Variants in CADM2 observed in about 807,000 individuals in gnomAD.
CADM2 encodes immunoglobulin superfamily member 4D.
Under a neutral mutation model 49.8 loss-of-function variants are expected in CADM2, and 12 were observed. The observed-to-expected ratio is 0.24, with a 90% CI of 0.15 to 0.39. The LOEUF (loss-of-function observed/expected upper bound fraction) is 0.39, where lower values mean the gene tolerates loss of function less well. CADM2 is among the 10% of genes least tolerant of loss of function. The probability of loss-of-function intolerance (pLI) is 1.00; values close to 1 mark genes in which losing one functional copy is unlikely to be tolerated. For missense variants in CADM2, 378 were observed against 492.3 expected (o/e 0.77, Z 2.20); for synonymous variants, 214 against 175.4 (o/e 1.22, Z -1.74).
intron 1 of CADM2, among the ~76,000 whole-genome samples, chr3:85,141,903 T>G (rs939482223): frequency 1.3e-5 from 2 of 152,184 alleles, no homozygotes; most frequent in Non-Finnish European, 2.9e-5. Context: ...GAGATTTATT[T>G]GTTGCTCAAG....
intron 1 of CADM2, among the ~76,000 whole-genome samples, chr3:85,712,973 A>T (rs538132629): frequency 4.1e-4 from 63 of 152,288 alleles, no homozygotes; most frequent in African/African-American, 1.2e-3. Context: ...GAGAAATGTC[A>T]TGTATACTGC....
At chr3:85,671,229 A>G (rs576165792) in intron 1 of CADM2, among the ~76,000 whole-genome samples, 1 of 152,330 alleles carries the variant, frequency 6.6e-6, no homozygotes, top group African/African-American at 2.4e-5. Context: ...GAGCAACACA[A>G]ATGAATCTCT....
chr3:85,546,356 A>C (rs2061670079), intron 1 of CADM2, among the ~76,000 whole-genome samples: 1 of 152,118 alleles, frequency 6.6e-6, no homozygotes, highest in Non-Finnish European at 1.5e-5. Flanking sequence ...GATTTTATTA[A>C]ATGGGAATCA....
rs572160903 is a variant in CADM2, at chr3:85,045,939, G to A, written c.61+86271G>A. 9.7e-4 allele frequency among the ~76,000 whole-genome samples: 147 copies of A among 152,166 alleles called. 1 individual carries two copies. Among genetic ancestry groups the A allele is most frequent in the Middle Eastern group, 3.4e-3 (1 of 294 alleles). On this transcript the variant is annotated intron_variant, in intron 1 of 9. Coordinates refer to ENST00000383699, the MANE Select transcript of CADM2 (RefSeq NM_001167675.2). ...CCTAAGTAGACATCTTAGGAACATTGGATAGTGTCTTTTCTAGTTGAAAGA... is the reference window on the plus strand; with the variant it reads ...CCTAAGTAGACATCTTAGGAACATTAGATAGTGTCTTTTCTAGTTGAAAGA...
chr3:85,027,089 G>A (rs1200541585), intron 1 of CADM2, among the ~76,000 whole-genome samples: 2 of 78,782 alleles, frequency 2.5e-5, no homozygotes, highest in Non-Finnish European at 5.3e-5. Flanking sequence ...TGTTGTGGTT[G>A]TTGTTGCTTT....
chr3:85,858,707 G>A (rs1484558029), intron 3 of CADM2, among the ~76,000 whole-genome samples: 1 of 152,170 alleles, frequency 6.6e-6, no homozygotes, highest in Non-Finnish European at 1.5e-5. Context: ...GCACTGGCAG[G>A]TCAACAGTTT....
intron 3 of CADM2, among the ~76,000 whole-genome samples, chr3:85,838,256 A>T (rs1023117307): frequency 6.6e-6 from 1 of 151,690 alleles, no homozygotes; most frequent in Non-Finnish European, 1.5e-5. Context: ...CATAAATCAA[A>T]CTCACCTCAT....
intron 1 of CADM2, among the ~76,000 whole-genome samples, chr3:84,973,800 T>G (rs1478873095): frequency 6.6e-6 from 1 of 152,140 alleles, no homozygotes; most frequent in Non-Finnish European, 1.5e-5. Flanking sequence ...ATATTAAAAC[T>G]CCCGCCTTGC....
chr3:85,348,159 A>G lies in CADM2; in HGVS notation c.62-378363A>G, dbSNP rs939733243. Among the ~76,000 whole-genome samples, 2 of 152,092 alleles carry G rather than the reference A, an allele frequency of 1.3e-5. 1 individual carries two copies. The highest frequency in any genetic ancestry group is 4.1e-4 in the South Asian group (2 of 4,828). On this transcript the variant is annotated intron_variant, in intron 1 of 9. Coordinates refer to ENST00000383699, the MANE Select transcript of CADM2 (RefSeq NM_001167675.2). ...TGTATCATGTTGTCACCAAATGTGC[A>G]GTATCTTTTGCTGCAATCCTCAGCC...
chr3:85,980,904 T>C (rs970930359), intron 8 of CADM2, among the ~76,000 whole-genome samples: 1 of 151,534 alleles, frequency 6.6e-6, no homozygotes, highest in Non-Finnish European at 1.5e-5. Flanking sequence ...CAATTATGCC[T>C]TCTTCTTCAA....
intron 1 of CADM2, among the ~76,000 whole-genome samples, chr3:85,427,696 T>G (rs891000925): frequency 6.6e-6 from 1 of 152,140 alleles, no homozygotes; most frequent in African/African-American, 2.4e-5. Flanking sequence ...GTCATAATAG[T>G]GCCAGCATTA....
At chr3:85,652,652 G>A (rs1388495565) in intron 1 of CADM2, among the ~76,000 whole-genome samples, 1 of 151,996 alleles carries the variant, frequency 6.6e-6, no homozygotes, top group Non-Finnish European at 1.5e-5. Context: ...AACAGAATGT[G>A]TGGTGGGGGA....
intron 1 of CADM2, among the ~76,000 whole-genome samples, chr3:85,238,767 G>C (rs927769190): frequency 6.6e-6 from 1 of 151,842 alleles, no homozygotes; most frequent in African/African-American, 2.4e-5. Context: ...TCTTAGTTAT[G>C]TAAAATCCCC....
chr3:85,518,932 C>CCTA, intron 1 of CADM2, among the ~76,000 whole-genome samples: 1 of 152,068 alleles, frequency 6.6e-6, no homozygotes, highest in Non-Finnish European at 1.5e-5. Context: ...ATTTTTCCAG[C>CCTA]CTACTACCAG....
intron 1 of CADM2, among the ~76,000 whole-genome samples, chr3:85,495,365 T>C (rs143294942): frequency 6.6e-6 from 1 of 152,264 alleles, no homozygotes; most frequent in East Asian, 1.9e-4. Context: ...TACGTAACCT[T>C]AGAAAGACTT....
At chr3:85,212,855 T>TC (rs2041820674) in intron 1 of CADM2, among the ~76,000 whole-genome samples, 1 of 126,436 alleles carries the variant, frequency 7.9e-6, no homozygotes, top group African/African-American at 3.5e-5. Context: ...TCTTTCTTTC[T>TC]TTCTTTCTTT....
intron 1 of CADM2, among the ~76,000 whole-genome samples, chr3:85,050,699 G>T (rs1262617305): frequency 6.6e-6 from 1 of 152,082 alleles, no homozygotes; most frequent in African/African-American, 2.4e-5. Flanking sequence ...GATAACTATA[G>T]AAAAATTTGC....
At chr3:84,996,788 C>A (rs1276390965) in intron 1 of CADM2, among the ~76,000 whole-genome samples, 1 of 152,046 alleles carries the variant, frequency 6.6e-6, no homozygotes, top group Admixed American at 6.6e-5. Flanking sequence ...TAAAAATACT[C>A]TAGCAATGTC....
intron 1 of CADM2, among the ~76,000 whole-genome samples, chr3:85,200,549 A>G (rs1340732582): frequency 6.6e-6 from 1 of 152,124 alleles, no homozygotes; most frequent in Non-Finnish European, 1.5e-5. Context: ...GTCATCAATT[A>G]GGAAAAAATG....
Sources: allele counts gnomAD v4.1 joint callset (sites outside exome capture counted in the v4.1 genomes callset), GRCh38; gene constraint gnomAD v4.1.1; transcripts MANE v1.5; gene names NCBI Gene and HGNC (gene_info 2026-07-23, HGNC 2026-07-21).